The following SNTG1 variants were observed in gnomAD, a reference collection of about 807,000 sequenced individuals.
SNTG1 encodes gamma-1-syntrophin.
Under a neutral mutation model 74.7 loss-of-function variants are expected in SNTG1, and 39 were observed. The observed-to-expected ratio is 0.52, with a 90% CI of 0.40 to 0.68. The LOEUF (loss-of-function observed/expected upper bound fraction) is 0.68, where lower values mean the gene tolerates loss of function less well. Ranked by LOEUF, SNTG1 falls within the 30% of genes least tolerant of loss-of-function variation. The pLI is 0.00. For missense variants in SNTG1, 685 were observed against 609.5 expected (o/e 1.12, Z -1.30); for synonymous variants, 254 against 217.1 (o/e 1.17, Z -1.49).
At chr8:50,457,240 A>G (rs1360534522) in intron 8 of SNTG1, among the ~76,000 whole-genome samples, 1 of 152,196 alleles carries the variant, frequency 6.6e-6, no homozygotes, top group African/African-American at 2.4e-5. Flanking sequence ...CAAAGAACAC[A>G]AACATTTGTT....
At chr8:50,610,049 C>T (rs1012544443) in intron 13 of SNTG1, among the ~76,000 whole-genome samples, 16 of 152,146 alleles carry the variant, frequency 1.1e-4, no homozygotes, top group African/African-American at 3.6e-4. Context: ...GATACTCTTT[C>T]GTTGAAAATT....
At chr8:49,938,557 G>C (rs1817561) in intron 1 of SNTG1, among the ~76,000 whole-genome samples, 112,850 of 127,900 alleles carry the variant, frequency 0.88, 49,915 homozygotes, top group East Asian at 1. Context: ...CTTTTCTTTT[G>C]TTTTCTTTTC....
chr8:50,500,050 A>G (rs1262087877), intron 8 of SNTG1, among the ~76,000 whole-genome samples: 1 of 151,180 alleles, frequency 6.6e-6, no homozygotes, highest in Non-Finnish European at 1.5e-5. Flanking sequence ...ATTTGGCAGG[A>G]TTCTTTTGAG....
At chr8:50,140,041 G>A (rs1257876684) in intron 1 of SNTG1, among the ~76,000 whole-genome samples, 1 of 152,210 alleles carries the variant, frequency 6.6e-6, no homozygotes, top group Non-Finnish European at 1.5e-5. Flanking sequence ...ATAAGTGCTG[G>A]AGTAAATGGC....
chr8:50,053,632 T>TGTGTGTGC (rs1482456281), intron 1 of SNTG1, among the ~76,000 whole-genome samples: 3 of 149,566 alleles, frequency 2.0e-5, no homozygotes, highest in Non-Finnish European at 4.5e-5. Context: ...ATTGTGTGTG[T>TGTGTGTGC]GTGTGTGTGT....
intron 2 of SNTG1, among the ~76,000 whole-genome samples, chr8:50,371,662 C>A (rs1399518510): frequency 1.3e-5 from 2 of 152,164 alleles, no homozygotes; most frequent in Non-Finnish European, 2.9e-5. Flanking sequence ...GTGTTAATAT[C>A]TATTTCTAAC....
intron 13 of SNTG1, among the ~76,000 whole-genome samples, chr8:50,632,608 C>T (rs922318102): frequency 6.6e-6 from 1 of 152,208 alleles, no homozygotes; most frequent in South Asian, 2.1e-4. Flanking sequence ...CCACACCCAG[C>T]CCTATTTTTA....
chr8:50,457,837 C>G (rs181325845), intron 8 of SNTG1: 5 of 152,190 alleles, frequency 3.3e-5, no homozygotes, highest in African/African-American at 1.2e-4. Context: ...GAGTATTCAG[C>G]CCCAGGCACT....
At chr8:49,982,811 A>T (rs925996935) in intron 1 of SNTG1, among the ~76,000 whole-genome samples, 1 of 152,180 alleles carries the variant, frequency 6.6e-6, no homozygotes, top group Non-Finnish European at 1.5e-5. Context: ...ATTAACACTT[A>T]TGTCCATGTT....
chr8:50,484,128 C>CT (rs1554542576), intron 8 of SNTG1, among the ~76,000 whole-genome samples: 2 of 114,970 alleles, frequency 1.7e-5, no homozygotes, highest in African/African-American at 6.8e-5. Context: ...TTCTTTCTTT[C>CT]TTTCTTTCCT....
chr8:50,479,022 T>C (rs926955688), intron 8 of SNTG1, among the ~76,000 whole-genome samples: 15 of 152,144 alleles, frequency 9.9e-5, no homozygotes, highest in African/African-American at 3.6e-4. Context: ...ATAAAACTGC[T>C]AGATAGATAT....
At chr8:50,352,770 T>C (rs1800994282) in intron 2 of SNTG1, among the ~76,000 whole-genome samples, 1 of 152,186 alleles carries the variant, frequency 6.6e-6, no homozygotes, top group Non-Finnish European at 1.5e-5. Flanking sequence ...TTCTCTTGCC[T>C]TGTCCTACAA....
At chr8:50,548,408 TAAAG>T (rs2094402918) in intron 11 of SNTG1, among the ~76,000 whole-genome samples, 1 of 152,128 alleles carries the variant, frequency 6.6e-6, no homozygotes, top group African/African-American at 2.4e-5. Context: ...AGGGTGTAGT[TAAAG>T]AACAGAAATG....
At chr8:50,204,558 T>A (rs1484461116) in intron 2 of SNTG1, among the ~76,000 whole-genome samples, 1 of 152,152 alleles carries the variant, frequency 6.6e-6, no homozygotes, top group Non-Finnish European at 1.5e-5. Flanking sequence ...ATTTATTTAA[T>A]CTTAAAATAA....
intron 15 of SNTG1, among the ~76,000 whole-genome samples, chr8:50,690,961 G>C (rs2095375779): frequency 6.6e-6 from 1 of 152,190 alleles, no homozygotes; most frequent in Non-Finnish European, 1.5e-5. Flanking sequence ...ATTTAGGATA[G>C]TTAGCTCTTC....
chr8:50,432,119 C>T (rs541830821), intron 4 of SNTG1, among the ~76,000 whole-genome samples: 1 of 152,222 alleles, frequency 6.6e-6, no homozygotes, highest in South Asian at 2.1e-4. Flanking sequence ...CATGGGTTTT[C>T]TCCTGTATTC....
chr8:50,543,419 C>T (rs781123973), intron 11 of SNTG1, among the ~76,000 whole-genome samples: 4 of 151,878 alleles, frequency 2.6e-5, no homozygotes, highest in South Asian at 2.1e-4. Context: ...TATTCTGCTC[C>T]ATTGGTCTAT....
chr8:50,544,394 A>T (rs777979504), intron 11 of SNTG1, among the ~76,000 whole-genome samples: 4 of 152,044 alleles, frequency 2.6e-5, no homozygotes, highest in Admixed American at 6.6e-5. Flanking sequence ...CTATTCAAAC[A>T]TATTCTATTT....
chr8:50,173,457 T>A (rs1020250280), intron 2 of SNTG1, among the ~76,000 whole-genome samples: 12 of 152,170 alleles, frequency 7.9e-5, no homozygotes, highest in African/African-American at 2.9e-4. Context: ...TTTCAATGAG[T>A]GCCAGTACTG....
Sources: allele counts gnomAD v4.1 joint callset (sites outside exome capture counted in the v4.1 genomes callset), GRCh38; gene constraint gnomAD v4.1.1; transcripts MANE v1.5; gene names NCBI Gene and HGNC (gene_info 2026-07-23, HGNC 2026-07-21).